FER: variants seen among roughly 807,000 people sequenced by gnomAD.
The protein encoded by FER is tyrosine-protein kinase Fer.
Under a neutral mutation model 111.0 loss-of-function variants are expected in FER, and 63 were observed. That is an observed-to-expected ratio of 0.57 (90% CI 0.46 to 0.70). The LOEUF is 0.70. FER is among the 30% of genes least tolerant of loss of function. The pLI is 0.00. For synonymous variants in FER, 327 were observed against 313.9 expected (o/e 1.04, Z -0.44); for missense variants, 914 against 954.0 (o/e 0.96, Z 0.55).
chr5:109,082,729 G>C (rs1419443002), intron 16 of FER, among the ~76,000 whole-genome samples: 2 of 151,712 alleles, frequency 1.3e-5, no homozygotes, highest in African/African-American at 2.4e-5. Context: ...TCCATGTACT[G>C]TACTATTAGA....
chr5:109,020,225 T>C (rs1767743618), intron 13 of FER, among the ~76,000 whole-genome samples: 2 of 151,926 alleles, frequency 1.3e-5, no homozygotes, highest in Admixed American at 1.3e-4. Context: ...TTAAAATCAG[T>C]CTTAAAACAT....
chr5:108,819,859 CT>C, intron 3 of FER: 1 of 985,070 alleles, frequency 1.0e-6, no homozygotes, highest in Non-Finnish European at 1.2e-6. Flanking sequence ...CCCCAGAAGT[CT>C]ATTTGAGGAG....
intron 4 of FER, among the ~76,000 whole-genome samples, chr5:108,833,878 A>G (rs1335596684): frequency 6.6e-6 from 1 of 152,120 alleles, no homozygotes; most frequent in Non-Finnish European, 1.5e-5. Flanking sequence ...CGTCTCAAAA[A>G]AAAAAAAAAA....
intron 13 of FER, among the ~76,000 whole-genome samples, chr5:109,005,578 A>T (rs1156776533): frequency 6.6e-6 from 1 of 152,246 alleles, no homozygotes; most frequent in Admixed American, 6.5e-5. Flanking sequence ...AGATATTTAA[A>T]TTCTAGTAAA....
chr5:108,753,495 T>A (rs1750727926), intron 1 of FER, among the ~76,000 whole-genome samples: 1 of 152,196 alleles, frequency 6.6e-6, no homozygotes, highest in African/African-American at 2.4e-5. Flanking sequence ...TTTGCCTAGA[T>A]GATCATGTGT....
intron 5 of FER, among the ~76,000 whole-genome samples, chr5:108,839,662 C>T (rs988422459): frequency 2.0e-5 from 3 of 149,920 alleles, no homozygotes; most frequent in Non-Finnish European, 3.0e-5. Context: ...ACTGCAAGCT[C>T]CGCCTCCCAG....
chr5:109,008,837 G>C (rs547743938), intron 13 of FER, among the ~76,000 whole-genome samples: 1 of 152,000 alleles, frequency 6.6e-6, no homozygotes, highest in Non-Finnish European at 1.5e-5. Flanking sequence ...AGGCATGGTG[G>C]CGCATGCCTG....
At chr5:108,863,212 T>G (rs1763704526) in intron 5 of FER, among the ~76,000 whole-genome samples, 1 of 152,000 alleles carries the variant, frequency 6.6e-6, no homozygotes, top group Admixed American at 6.6e-5. Context: ...CTCCGCCTCC[T>G]GGGTTAAAGT....
intron 16 of FER, among the ~76,000 whole-genome samples, chr5:109,096,058 A>T (rs1007596664): frequency 3.3e-5 from 5 of 152,034 alleles, no homozygotes; most frequent in African/African-American, 1.2e-4. Flanking sequence ...CCAATTACAA[A>T]TTATAAATTA....
chr5:108,788,635 G>A (rs10477428), intron 2 of FER, among the ~76,000 whole-genome samples: 35,681 of 150,950 alleles, frequency 0.24, 4,437 homozygotes, highest in African/African-American at 0.31. Flanking sequence ...CCTCCTTTCA[G>A]TCTTGGACTG....
Position 109,015,083 on chromosome 5 carries a change from A to T in FER, c.1657-22339A>T, listed in dbSNP as rs571658847. 4.7e-4 allele frequency: 72 copies of T among 152,168 alleles called. 1 individual carries two copies. The highest frequency in any genetic ancestry group is 1.7e-3 in the African/African-American group (71 of 41,526). The allele number at this position is 152,168 out of a possible 1,614,324, so 9.4% of individuals were successfully genotyped here. A position where few individuals can be genotyped will look rare whatever the true frequency, so the allele number is the denominator to read the frequency against. On this transcript the variant is annotated intron_variant, in intron 13 of 19. Transcript: ENST00000281092. ...TCAGACTCAATCTAGTTATAGAAAA[A>T]AGTTGTTTTTGTGTTTGACAGTTAA...
intron 1 of FER, among the ~76,000 whole-genome samples, chr5:108,760,913 C>G (rs142054731): frequency 6.6e-6 from 1 of 151,748 alleles, no homozygotes; most frequent in East Asian, 1.9e-4. Context: ...AGAGGTTCAG[C>G]TTATTTTGGC....
intron 17 of FER, among the ~76,000 whole-genome samples, chr5:109,133,273 T>C (rs909650504): frequency 1.1e-4 from 17 of 152,152 alleles, no homozygotes; most frequent in African/African-American, 3.9e-4. Context: ...CATGAAGATA[T>C]GCAAACAATG....
chr5:109,192,675 T>C lies in FER; in HGVS notation c.*5100T>C, dbSNP rs1347286006. On this transcript the variant is annotated 3_prime_UTR_variant, in exon 20 of 20. Transcript: ENST00000281092. Reference sequence around the variant, plus strand: ...AGAAATCTTTGGTTACAGTGAGGCTTAACCTGGGCTAAAGTCTCCTAAATG... The same window carrying C: ...AGAAATCTTTGGTTACAGTGAGGCTCAACCTGGGCTAAAGTCTCCTAAATG... 1 of 152,122 alleles carries C rather than the reference T, an allele frequency of 6.6e-6. No individual in the cohort carries two copies. The highest frequency in any genetic ancestry group is 1.5e-5 in the Non-Finnish European group (1 of 68,012). 9.4% of individuals were successfully genotyped at this position (152,122 alleles called of 1,614,324 possible).
At chr5:108,847,535 A>G (rs947461439) in intron 5 of FER, among the ~76,000 whole-genome samples, 1 of 152,084 alleles carries the variant, frequency 6.6e-6, no homozygotes, top group Non-Finnish European at 1.5e-5. Flanking sequence ...GTTTAATAGT[A>G]TTATTCAAAT....
At chr5:108,971,131 A>G (rs1479525424) in intron 13 of FER, among the ~76,000 whole-genome samples, 2 of 152,118 alleles carry the variant, frequency 1.3e-5, no homozygotes, top group Non-Finnish European at 2.9e-5. Flanking sequence ...CATGTTTCAA[A>G]TAGTACTTGT....
chr5:109,048,377 T>C (rs1561824425), intron 16 of FER, among the ~76,000 whole-genome samples: 1 of 152,150 alleles, frequency 6.6e-6, no homozygotes, highest in Non-Finnish European at 1.5e-5. Context: ...ATTATAAAAA[T>C]ACATATTAAC....
At chr5:109,161,765 A>G (rs1756013012) in intron 17 of FER, among the ~76,000 whole-genome samples, 1 of 152,114 alleles carries the variant, frequency 6.6e-6, no homozygotes, top group African/African-American at 2.4e-5. Context: ...CATTATGGGT[A>G]TATTAGACCC....
At chr5:108,843,337 T>C (rs529587985) in intron 5 of FER, among the ~76,000 whole-genome samples, 5 of 152,302 alleles carry the variant, frequency 3.3e-5, no homozygotes, top group African/African-American at 9.6e-5. Context: ...ATGATCCTTA[T>C]TGGGGCAACT....
Sources: allele counts gnomAD v4.1 joint callset (sites outside exome capture counted in the v4.1 genomes callset), GRCh38; gene constraint gnomAD v4.1.1; transcripts MANE v1.5; gene names NCBI Gene and HGNC (gene_info 2026-07-23, HGNC 2026-07-21).